TRIM23: variants seen among roughly 807,000 people sequenced by gnomAD.
TRIM23 encodes the protein tripartite motif containing 23, also known as E3 ubiquitin-protein ligase TRIM23.
A neutral mutation model predicts 71.0 loss-of-function variants in TRIM23; 27 were observed. The observed-to-expected ratio is 0.38, with a 90% CI of 0.28 to 0.52. The LOEUF is 0.52. Ranked by LOEUF, TRIM23 falls within the 20% of genes least tolerant of loss-of-function variation. TRIM23 has a pLI of 0.84. For missense variants in TRIM23, 482 were observed against 692.3 expected (o/e 0.70, Z 3.41); for synonymous variants, 234 against 238.0 (o/e 0.98, Z 0.16).
Position 65,591,277 on chromosome 5 carries a change from TTTGGA to T in TRIM23, c.*487_*491del. On this transcript the variant is annotated 3_prime_UTR_variant, in exon 11 of 11. Transcript: ENST00000231524. ...GTAATCCTATTATCCAAATATGTAGTTTGGATTCTATTTCATTAAGCAACTGTCAT... is the reference window on the plus strand; with the variant it reads ...GTAATCCTATTATCCAAATATGTAGTTTCTATTTCATTAAGCAACTGTCAT... 1 of 1,357,154 alleles carries T rather than the reference TTTGGA, an allele frequency of 7.4e-7. No homozygotes were observed. The highest frequency in any genetic ancestry group is 9.5e-7 in the Non-Finnish European group (1 of 1,057,138). The allele number at this position is 1,357,154 out of a possible 1,614,324, so 84.1% of individuals were successfully genotyped here. A position where few individuals can be genotyped will look rare whatever the true frequency, so the allele number is the denominator to read the frequency against.
intron 4 of TRIM23, 75 bp from the exon 5 acceptor site, chr5:65,611,118 AT>A: frequency 7.6e-7 from 1 of 1,315,380 alleles, no homozygotes; most frequent in Admixed American, 3.2e-5. Context: ...TTAAATCCCT[AT>A]TAATACAAAA....
chr5:65,601,000 G>A (rs1754348158), intron 7 of TRIM23, among the ~76,000 whole-genome samples: 1 of 152,228 alleles, frequency 6.6e-6, no homozygotes, highest in South Asian at 2.1e-4. Context: ...ACAAGTGTTG[G>A]TGAAAATGTG....
At position 65,590,279 on chromosome 5, in the gene TRIM23, A is replaced by C; in HGVS notation, c.*1490T>G. 7.8e-7 allele frequency: 1 copy of C among 1,275,730 alleles called. No homozygotes were observed. Among genetic ancestry groups the C allele is most frequent in the South Asian group, 1.4e-5 (1 of 72,658 alleles). 79.0% of individuals were successfully genotyped at this position (1,275,730 alleles called of 1,614,324 possible). On this transcript the variant is annotated 3_prime_UTR_variant, in exon 11 of 11. Coordinates refer to ENST00000231524, the MANE Select transcript of TRIM23 (RefSeq NM_001656.4). ...AGTATTATTTATGCACACAAACTACACCTGTAACAGCATGACCTTTTACCT... is the reference window on the plus strand; with the variant it reads ...AGTATTATTTATGCACACAAACTACCCCTGTAACAGCATGACCTTTTACCT...
chr5:65,602,776 A>G (rs930517256), intron 7 of TRIM23, among the ~76,000 whole-genome samples: 3 of 152,202 alleles, frequency 2.0e-5, no homozygotes, highest in Non-Finnish European at 4.4e-5. Flanking sequence ...AAGCAAAAGC[A>G]GAAACCCCTA....
rs1754592494 is a variant in TRIM23 at position 65,609,357 on chromosome 5, A to G, written c.930T>C (p.Val310=). The change falls in exon 6 of 11, where the codon GTT becomes GTC. Residue 310 remains valine, a synonymous_variant. Transcript: ENST00000231524. The stretch of plus-strand genomic sequence containing the variant: ...TCAATTTTTCACGAACATGAGCATC[A>G]ACAACACTTAGAGCCATTTCTTCTT... ...CRQEEMALSV[V]DAHVREKLIW... is the part of the protein sequence containing the mutation. 1 of 1,614,084 alleles carries G rather than the reference A, an allele frequency of 6.2e-7. No individual in the cohort carries two copies.
At chr5:65,623,490 T>C (rs894467552) in intron 1 of TRIM23, among the ~76,000 whole-genome samples, 6 of 152,224 alleles carry the variant, frequency 3.9e-5, no homozygotes, top group African/African-American at 1.4e-4. Context: ...GCCACATATT[T>C]CAAATGATTT....
At chr5:65,622,781 T>C (rs1299443699) in intron 1 of TRIM23, among the ~76,000 whole-genome samples, 5 of 152,208 alleles carry the variant, frequency 3.3e-5, no homozygotes, top group African/African-American at 1.2e-4. Flanking sequence ...CTCCAATGTA[T>C]CAAATTCTGT....
chr5:65,611,896 A>G lies in TRIM23; in HGVS notation c.367-15T>C. On this transcript the variant is annotated splice_polypyrimidine_tract_variant and intron_variant, in intron 3 of 10. Transcript: ENST00000231524. ...CGAATGATGCTCTGATAAACAAAAA[A>G]TTAATGCCTTAAAATTGAACCCAAT... 1.2e-6 allele frequency: 2 copies of G among 1,602,786 alleles called. No individual in the cohort carries two copies. Among genetic ancestry groups the G allele is most frequent in the Non-Finnish European group, 1.7e-6 (2 of 1,171,726 alleles).
Position 65,591,615 on chromosome 5 carries a change from A to G in TRIM23, c.*154T>C, listed in dbSNP as rs891855447. On this transcript the variant is annotated 3_prime_UTR_variant, in exon 11 of 11. Transcript: ENST00000231524. ...TTCTGCCACAAAATTTTTTTAAAGC[A>G]AAGTACTGAATTCCCAATCCAAGAT... The G allele has an allele frequency of 8.5e-7, 1 of 1,174,476 alleles. No individual in the cohort carries two copies. The highest frequency in any genetic ancestry group is 1.1e-6 in the Non-Finnish European group (1 of 902,454). The allele number at this position is 1,174,476 out of a possible 1,614,324, so 72.8% of individuals were successfully genotyped here.
intron 6 of TRIM23, among the ~76,000 whole-genome samples, chr5:65,606,114 C>T (rs1238682470): frequency 1.3e-5 from 2 of 152,116 alleles, no homozygotes; most frequent in African/African-American, 4.8e-5. Flanking sequence ...CACTCTTCTA[C>T]TCAAAACTCT....
chr5:65,609,926 C>CA (rs1462771877), intron 5 of TRIM23, among the ~76,000 whole-genome samples: 1 of 152,256 alleles, frequency 6.6e-6, no homozygotes, highest in East Asian at 1.9e-4. Flanking sequence ...GATGTTGAAG[C>CA]AAAAACAACC....
chr5:65,608,762 C>T (rs1367027515), intron 6 of TRIM23, among the ~76,000 whole-genome samples: 3 of 152,080 alleles, frequency 2.0e-5, no homozygotes, highest in South Asian at 2.1e-4. Flanking sequence ...ACAAAACATA[C>T]GTTTGCTCTA....
chr5:65,596,910 G>C, intron 8 of TRIM23, 141 bp downstream of exon 8: 2 of 982,614 alleles, frequency 2.0e-6, no homozygotes, highest in South Asian at 3.5e-5. Context: ...ATACAATCTT[G>C]CATTTTTTCT....
chr5:65,618,276 A>T, intron 1 of TRIM23, 21 bp from the exon 2 acceptor site: 1 of 1,593,900 alleles, frequency 6.3e-7, no homozygotes, highest in Non-Finnish European at 8.5e-7. Context: ...AAAAGGAAGG[A>T]TGTGCTCTTT....
intron 1 of TRIM23, 124 bp downstream of exon 1, chr5:65,624,070 C>T: frequency 4.4e-6 from 5 of 1,129,916 alleles, no homozygotes; most frequent in Admixed American, 2.2e-5. Flanking sequence ...CTTGTAATGC[C>T]AAAAGGGGCC....
At chr5:65,599,128 T>C (rs1754292034) in intron 7 of TRIM23, among the ~76,000 whole-genome samples, 1 of 152,162 alleles carries the variant, frequency 6.6e-6, no homozygotes, top group South Asian at 2.1e-4. Context: ...TGTAAAATTA[T>C]ATCTCTTCAC....
Position 65,591,536 on chromosome 5 carries a change from A to G in TRIM23, c.*233T>C, listed in dbSNP as rs1754025685. 1 of 1,480,158 alleles carries G rather than the reference A, an allele frequency of 6.8e-7. No individual in the cohort carries two copies. Among genetic ancestry groups the G allele is most frequent in the South Asian group, 1.3e-5 (1 of 75,914 alleles). The allele number at this position is 1,480,158 out of a possible 1,614,324, so 91.7% of individuals were successfully genotyped here. On this transcript the variant is annotated 3_prime_UTR_variant, in exon 11 of 11. Transcript: ENST00000231524. Reference sequence around the variant, plus strand: ...ACAAATATACTTTTTAAAAGAATGTATATTCAATAAGTTTCTATTTAATTC... The same window carrying G: ...ACAAATATACTTTTTAAAAGAATGTGTATTCAATAAGTTTCTATTTAATTC...
intron 1 of TRIM23, among the ~76,000 whole-genome samples, chr5:65,622,666 T>C (rs1034387927): frequency 3.3e-5 from 5 of 152,226 alleles, no homozygotes; most frequent in African/African-American, 1.2e-4. Context: ...TTTATGCTAC[T>C]ATACCTACTA....
At chr5:65,609,124 A>G (rs1754582597) in intron 6 of TRIM23, 119 bp downstream of exon 6, 1 of 992,156 alleles carries the variant, frequency 1.0e-6, no homozygotes, top group Non-Finnish European at 1.5e-6. Context: ...CCATTTCCTA[A>G]GCACAAAGTT....
Sources: allele counts gnomAD v4.1 joint callset (sites outside exome capture counted in the v4.1 genomes callset), GRCh38; gene constraint gnomAD v4.1.1; transcripts MANE v1.5; gene names NCBI Gene and HGNC (gene_info 2026-07-23, HGNC 2026-07-21).